DCLK3: variants seen among roughly 807,000 people sequenced by gnomAD.
The protein encoded by DCLK3 is doublecortin like kinase 3.
DCLK3 carries 30 observed loss-of-function variants against 46.4 expected under a neutral mutation model. The ratio of observed to expected loss-of-function variants is 0.65; its 90% CI spans 0.48 to 0.88. The LOEUF (loss-of-function observed/expected upper bound fraction) is 0.88. DCLK3 is among the 40% of genes least tolerant of loss of function. The pLI is 0.00. For synonymous variants in DCLK3, 401 were observed against 339.2 expected, an observed-to-expected ratio of 1.18 and a Z score of -2.00; for missense variants, 846 against 907.1, an observed-to-expected ratio of 0.93 and a Z score of 0.87.
intron 2 of DCLK3, among the ~76,000 whole-genome samples, chr3:36,735,411 C>T (rs1215903828): frequency 6.6e-6 from 1 of 152,212 alleles, no homozygotes; most frequent in African/African-American, 2.4e-5. Flanking sequence ...CAAACTGCTT[C>T]TGTAATTCTA....
chr3:36,718,222 A>C (rs552499575), intron 3 of DCLK3, 45 bp from the exon 4 acceptor site: 2 of 1,609,040 alleles, frequency 1.2e-6, no homozygotes, highest in African/African-American at 2.7e-5. Context: ...GAGACCAGGC[A>C]GGGTCAAAGG....
intron 3 of DCLK3, among the ~76,000 whole-genome samples, chr3:36,719,266 T>C (rs1038816840): frequency 2.0e-5 from 3 of 152,210 alleles, no homozygotes; most frequent in Non-Finnish European, 4.4e-5. Context: ...AATATAGACA[T>C]TTTCAAACAC....
chr3:36,731,572 C>G (rs916911958), intron 2 of DCLK3, among the ~76,000 whole-genome samples: 1 of 152,154 alleles, frequency 6.6e-6, no homozygotes, highest in East Asian at 1.9e-4. Flanking sequence ...CATAACTACA[C>G]AGAAACCACC....
intron 3 of DCLK3, among the ~76,000 whole-genome samples, chr3:36,721,124 G>T (rs930990834): frequency 1.6e-4 from 24 of 152,144 alleles, no homozygotes; most frequent in African/African-American, 5.1e-4. Flanking sequence ...TCCTTTAAAT[G>T]CAAGGTTGGT....
Position 36,737,555 on chromosome 3 carries a change from C to A in DCLK3, c.1612G>T (p.Val538Phe). The change falls in exon 2 of 5, where the codon GTC (valine) becomes TTC (phenylalanine). Residue 538 changes from valine to phenylalanine, a missense_variant. By Grantham distance (50) the Val-to-Phe change is conservative (BLOSUM62 -1). This residue lies in a region of DCLK3 where 247 missense variants were observed against 322.8 expected (regional missense o/e 0.77). Coordinates refer to ENST00000636136, the MANE Select transcript of DCLK3 (RefSeq NM_001394672.2). This position sits in a 1 kb window ranked among gnomAD's most constrained non-coding sequence, Gnocchi z 4.4. ...GRVIGDGNFA[V>F]VKECRHRETR... ...TCGCGGTGTCTGCACTCCTTCACGA[C>A]AGCAAAGTTCCCATCCCCAATGACC... is the stretch of plus-strand genomic sequence containing the variant. 1 of 1,614,166 alleles carries A rather than the reference C, an allele frequency of 6.2e-7. No individual in the cohort carries two copies. The highest frequency in any genetic ancestry group is 8.5e-7 in the Non-Finnish European group (1 of 1,180,026).
chr3:36,756,709 C>A (rs1701487551), intron 1 of DCLK3, among the ~76,000 whole-genome samples: 1 of 152,046 alleles, frequency 6.6e-6, no homozygotes, highest in South Asian at 2.1e-4. Flanking sequence ...CCCTGAGACC[C>A]AAAGATACTT....
chr3:36,751,073 A>AAAAAAAAAAAC (rs1701437074), intron 1 of DCLK3, among the ~76,000 whole-genome samples: 1 of 150,754 alleles, frequency 6.6e-6, no homozygotes, highest in African/African-American at 2.4e-5. Flanking sequence ...TAAAAAAAAA[A>AAAAAAAAAAAC]AAAAAAAAAA....
At chr3:36,739,162 A>G (rs1701316390) in intron 1 of DCLK3, 78 bp from the exon 2 acceptor site, 1 of 397,532 alleles carries the variant, frequency 2.5e-6, no homozygotes, top group Non-Finnish European at 4.4e-6. Context: ...AACTTTACTA[A>G]AGATGACTGA....
chr3:36,737,181 C>T lies in DCLK3; in HGVS notation c.1959+27G>A, dbSNP rs765209447. On this transcript the variant is annotated intron_variant, in intron 2 of 4. Coordinates refer to ENST00000636136, the MANE Select transcript of DCLK3 (RefSeq NM_001394672.2). This position sits in a 1 kb window ranked among gnomAD's most constrained non-coding sequence, Gnocchi z 4.4. ...ATCCCATATTCTAAAAACACCCTCT[C>T]CCATATCATCAAAAGTCAAGGCTTA... 26 of 1,602,368 alleles carry T rather than the reference C, an allele frequency of 1.6e-5. No homozygotes were observed. In the South Asian group the frequency reaches 2.9e-4, roughly 18 times the overall value.
chr3:36,753,191 T>A (rs1701458168), intron 1 of DCLK3, among the ~76,000 whole-genome samples: 1 of 152,212 alleles, frequency 6.6e-6, no homozygotes, highest in Non-Finnish European at 1.5e-5. Context: ...GCTGAGAGTT[T>A]TTTGACAGTT....
chr3:36,746,348 C>A (rs1359415058), intron 1 of DCLK3, among the ~76,000 whole-genome samples: 1 of 152,184 alleles, frequency 6.6e-6, no homozygotes, highest in African/African-American at 2.4e-5. Flanking sequence ...ATTGACTGCT[C>A]CATCTCATGA....
chr3:36,752,995 T>G (rs1420369879), intron 1 of DCLK3, among the ~76,000 whole-genome samples: 2 of 152,206 alleles, frequency 1.3e-5, no homozygotes, highest in Non-Finnish European at 2.9e-5. Flanking sequence ...TTTGTAGCTT[T>G]TATACTAAAA....
intron 1 of DCLK3, among the ~76,000 whole-genome samples, chr3:36,740,342 G>A (rs142697516): frequency 1.0e-3 from 154 of 152,046 alleles, no homozygotes; most frequent in African/African-American, 3.4e-3. Flanking sequence ...TATCAATAAG[G>A]TAGAAGTCTA....
At chr3:36,733,281 G>A (rs1366019441) in intron 2 of DCLK3, among the ~76,000 whole-genome samples, 1 of 152,194 alleles carries the variant, frequency 6.6e-6, no homozygotes, top group Non-Finnish European at 1.5e-5. Flanking sequence ...CTATATGCTA[G>A]TGGAGGTGTA....
In DCLK3 at chr3:36,748,068, G is replaced by A. The variant is rs961433839; in HGVS notation, c.83-8984C>T. ...CTATTTCATTAGCCCTTAAAGTATG[G>A]CAGCATGACCCAACTAAACCCAAAC... On this transcript the variant is annotated intron_variant, in intron 1 of 4. Coordinates refer to ENST00000636136, the MANE Select transcript of DCLK3 (RefSeq NM_001394672.2). Among the ~76,000 whole-genome samples the A allele has an allele frequency of 3.9e-5, 6 of 152,182 alleles. No homozygotes were observed. In the South Asian group the frequency reaches 1.0e-3, roughly 26 times the overall value.
At position 36,738,235 on chromosome 3, in the gene DCLK3, C is replaced by T. The variant is rs762459709; in HGVS notation, c.932G>A (p.Cys311Tyr). ...CTGCTGGAGCTCCCTCTCTCTCTTG[C>T]ACTTCTCGCATCTGATAATTTCACC... The part of the protein sequence containing the change: ...TSGEIIRCEK[C>Y]KRERELQQSL... The change falls in exon 2 of 5, where the codon TGC becomes TAC. Residue 311 changes from cysteine (C) to tyrosine (Y), a missense_variant. Cys to Tyr is a radical substitution (Grantham distance 194). This residue lies in a region of DCLK3 where 553 missense variants were observed against 543.0 expected (regional missense o/e 1.02). Transcript: ENST00000636136. The T allele has an allele frequency of 6.3e-7, 1 of 1,590,656 alleles. No individual in the cohort carries two copies. The highest frequency in any genetic ancestry group is 1.4e-5 in the African/African-American group (1 of 73,456).
At chr3:36,732,883 C>A (rs1019881001) in intron 2 of DCLK3, among the ~76,000 whole-genome samples, 1 of 152,112 alleles carries the variant, frequency 6.6e-6, no homozygotes, top group Non-Finnish European at 1.5e-5. Flanking sequence ...ATCAGTGACT[C>A]CTTCTTGTAT....
rs149703753 is a variant in DCLK3, at chr3:36,738,099, G to A, written c.1068C>T (p.Pro356=). The change falls in exon 2 of 5, where the codon CCC becomes CCT. Residue 356 remains proline, a synonymous_variant. Transcript: ENST00000636136. ...LVRTRSCRRS[P]EANPASGEEG... is the part of the protein sequence containing the mutation. ...CCTCCCCACTTGCAGGATTTGCCTC[G>A]GGAGACCTCCTGCAGCTTCTGGTCC... is the stretch of plus-strand genomic sequence containing the variant. The A allele has an allele frequency of 2.0e-4, 323 of 1,613,530 alleles. No individual in the cohort carries two copies. The African/African-American group carries it at 3.6e-3, about 18-fold the overall frequency.
chr3:36,733,973 C>T (rs1015745031), intron 2 of DCLK3, among the ~76,000 whole-genome samples: 6 of 152,116 alleles, frequency 3.9e-5, no homozygotes, highest in African/African-American at 1.2e-4. Flanking sequence ...AATCACTTCC[C>T]GAAGCTTAAC....
Sources: gnomAD v4.1 joint callset for allele counts (sites outside exome capture counted in the v4.1 genomes callset) on GRCh38, gnomAD v4.1.1 for gene constraint, gnomAD v4.1.1 regional missense constraint, Gnocchi (gnomAD v3.1) non-coding constraint, MANE v1.5 for transcripts, NCBI Gene and HGNC (gene_info 2026-07-23, HGNC 2026-07-21) for gene names.